ZNF37A: variants seen among roughly 807,000 people sequenced by gnomAD.
ZNF37A encodes the protein zinc finger protein 37a (KOX 21).
Under a neutral mutation model 12.3 loss-of-function variants are expected in ZNF37A, and 10 were observed. The observed-to-expected ratio is 0.82, with a 90% CI of 0.50 to 1.38. The LOEUF (loss-of-function observed/expected upper bound fraction) is 1.38, where lower values mean the gene tolerates loss of function less well. Among genes scored for constraint, ZNF37A ranks in the 40% most tolerant of loss-of-function variants. The probability of loss-of-function intolerance (pLI) is 0.00; values close to 1 mark genes in which losing one functional copy is unlikely to be tolerated. For synonymous variants in ZNF37A, 207 were observed against 223.0 expected, an observed-to-expected ratio of 0.93 and a Z score of 0.64; for missense variants, 580 against 651.2, an observed-to-expected ratio of 0.89 and a Z score of 1.19.
rs2069534949 is a variant in ZNF37A, at chr10:38,119,117, C to CG, written c.*284dup. 1.1e-5 allele frequency: 12 copies of CG among 1,089,440 alleles called. No homozygotes were observed. The highest frequency in any genetic ancestry group is 1.3e-5 in the Non-Finnish European group (12 of 893,848). 67.5% of individuals were successfully genotyped at this position (1,089,440 alleles called of 1,614,324 possible). A position where few individuals can be genotyped will look rare whatever the true frequency, so the allele number is the denominator to read the frequency against. On this transcript the variant is annotated 3_prime_UTR_variant, in exon 8 of 8. Coordinates refer to ENST00000685332, the MANE Select transcript of ZNF37A (RefSeq NM_001324250.3). ...TTCATTAAACATCAGAGAATTCACA[C>CG]GGGGTGAAACCTGGGTCAGCATCCC...
chr10:38,115,599 A>G (rs1427817373), intron 7 of ZNF37A: 2 of 176,414 alleles, frequency 1.1e-5, no homozygotes, highest in African/African-American at 4.7e-5. Context: ...ATGAATATAT[A>G]AAGTGATTTT....
At chr10:38,129,013 A>C (rs1228759232), downstream of ZNF37A, among the ~76,000 whole-genome samples, 4 of 151,976 alleles carry the variant, frequency 2.6e-5, no homozygotes, top group Admixed American at 1.3e-4. Flanking sequence ...CGGCCTCCCA[A>C]AGTGCTGGGG....
rs767902921 is a variant in ZNF37A at position 38,117,436 on chromosome 10, G to T, written c.285G>T (p.Glu95Asp). The change falls in exon 8 of 8, where the codon GAG becomes GAT. Residue 95 changes from glutamate (E) to aspartate (D), a missense_variant. Coordinates refer to ENST00000685332, the MANE Select transcript of ZNF37A (RefSeq NM_001324250.3). The part of the protein sequence containing the change: ...SRNYSIMKFN[E>D]FNKGGKCFCD... ...ACTATTCAATAATGAAGTTCAATGAGTTTAACAAAGGTGGAAAATGTTTCT... is the reference window on the plus strand; with the variant it reads ...ACTATTCAATAATGAAGTTCAATGATTTTAACAAAGGTGGAAAATGTTTCT... The T allele has an allele frequency of 4.4e-6, 7 of 1,599,732 alleles. No homozygotes were observed. The South Asian group carries it at 8.0e-5, about 18-fold the overall frequency.
At chr10:38,149,769 G>T (rs1423250048) in exon 8 of ZNF37A, 5 of 151,944 alleles carry the variant, frequency 3.3e-5, no homozygotes, top group Non-Finnish European at 7.3e-5. Context: ...TAGCGACGGG[G>T]TTTCACCATG....
At chr10:38,134,295 A>G (rs981800937) in intron 7 of ZNF37A, among the ~76,000 whole-genome samples, 4 of 152,162 alleles carry the variant, frequency 2.6e-5, no homozygotes, top group African/African-American at 9.7e-5. Flanking sequence ...CTCTCAACTC[A>G]TCAAAGTCAT....
At chr10:38,112,747 T>TGGTC (rs1564931911) in intron 5 of ZNF37A, among the ~76,000 whole-genome samples, 1 of 66,426 alleles carries the variant, frequency 1.5e-5, no homozygotes, top group African/African-American at 5.4e-5. Flanking sequence ...TTTCTTTTCT[T>TGGTC]TTCTTTTCTT....
intron 7 of ZNF37A, among the ~76,000 whole-genome samples, chr10:38,116,510 G>A (rs1391777702): frequency 6.6e-6 from 1 of 152,150 alleles, no homozygotes; most frequent in Non-Finnish European, 1.5e-5. Context: ...AGCAATTTAT[G>A]AGGGACAAAC....
Position 38,118,298 on chromosome 10 carries a change from T to A in ZNF37A, c.1147T>A (p.Tyr383Asn), listed in dbSNP as rs200644333. 9 of 1,613,962 alleles carry A rather than the reference T, an allele frequency of 5.6e-6. No homozygotes were observed. The East Asian group carries it at 2.0e-4, about 36-fold the overall frequency. ...GAAAACACACACAGGGGAGAAGCCC[T>A]ATGAATGCTATGCATGTGGGAAAGC... ...HQKTHTGEKP[Y>N]ECYACGKAFL... Residue 383 changes from tyrosine to asparagine, a missense_variant, in exon 8 of 8, where the codon TAT becomes AAT. By Grantham distance (143) the Tyr-to-Asn change is moderately radical (BLOSUM62 -2). Transcript: ENST00000685332.
intron 5 of ZNF37A, among the ~76,000 whole-genome samples, chr10:38,111,567 G>C (rs1321555008): frequency 6.6e-6 from 1 of 150,742 alleles, no homozygotes; most frequent in African/African-American, 2.4e-5. Context: ...ATTTTTGTAT[G>C]CATTATTTGA....
At position 38,132,911 on chromosome 10, in the gene ZNF37A, CCCTT is replaced by C. The variant is rs149556439; in HGVS notation, c.239-13818_239-13815del. 8.3e-3 allele frequency among the ~76,000 whole-genome samples: 1,260 copies of C among 151,972 alleles called. 82 individuals carry two copies. The East Asian group carries it at 0.15, about 19-fold the overall frequency. On this transcript the variant is annotated intron_variant, in intron 7 of 7. Coordinates refer to the ZNF37A transcript ENST00000638053. Reference sequence around the variant, plus strand: ...TATTATCATAGAATTGTTTATTTCTCCCTTCCATTCTGTCAATTTTATGTCATAT... The same window carrying C: ...TATTATCATAGAATTGTTTATTTCTCCCATTCTGTCAATTTTATGTCATAT...
Position 38,118,011 on chromosome 10 carries a change from C to G in ZNF37A, c.860C>G (p.Thr287Arg). ...ACCTTCACCCAGAAGTCAGCCCACA[C>G]AAGACATCAGAGAACACACACAGGG... is the stretch of plus-strand genomic sequence containing the variant. Reference protein sequence around the residue: ...GKTFTQKSAHTRHQRTHTGGK... With the variant: ...GKTFTQKSAHRRHQRTHTGGK... Residue 287 changes from threonine (T) to arginine (R), a missense_variant, in exon 8 of 8, where the codon ACA becomes AGA. Physicochemically the swap from Thr to Arg is moderately conservative, Grantham distance 71 (BLOSUM62 -1). Transcript: ENST00000685332. The G allele has an allele frequency of 3.7e-6, 6 of 1,614,022 alleles. No homozygotes were observed. Among genetic ancestry groups the G allele is most frequent in the Middle Eastern group, 1.7e-4 (1 of 6,060 alleles).
intron 5 of ZNF37A, among the ~76,000 whole-genome samples, chr10:38,101,442 CTTGACAACTTTG>C (rs1159803025): frequency 1.3e-5 from 2 of 151,534 alleles, no homozygotes; most frequent in Non-Finnish European, 2.9e-5. Flanking sequence ...ATTGACTGTT[CTTGACAACTTTG>C]TTGAAAATCA....
intron 5 of ZNF37A, among the ~76,000 whole-genome samples, chr10:38,112,797 TG>T (rs2068912369): frequency 3.5e-5 from 2 of 57,532 alleles, no homozygotes; most frequent in Non-Finnish European, 8.0e-5. Context: ...TTTCTTTTCT[TG>T]TCTTGTCTTG....
At chr10:38,145,069 C>G (rs2070233696) in intron 7 of ZNF37A, among the ~76,000 whole-genome samples, 1 of 152,128 alleles carries the variant, frequency 6.6e-6, no homozygotes, top group Non-Finnish European at 1.5e-5. Flanking sequence ...GGCAGAAATG[C>G]AAATCCCTTC....
At chr10:38,145,810 CTG>C (rs1005124971) in intron 7 of ZNF37A, among the ~76,000 whole-genome samples, 17 of 152,298 alleles carry the variant, frequency 1.1e-4, no homozygotes, top group African/African-American at 4.1e-4. Context: ...AGACTAAAGA[CTG>C]TGAGCTGGGC....
At chr10:38,135,191 C>G (rs1428581006) in intron 7 of ZNF37A, among the ~76,000 whole-genome samples, 1 of 152,166 alleles carries the variant, frequency 6.6e-6, no homozygotes, top group Non-Finnish European at 1.5e-5. Context: ...TTGAGACCAT[C>G]TTGGCCAACA....
At chr10:38,125,107 A>G (rs1274116541), downstream of ZNF37A, 2 of 152,240 alleles carry the variant, frequency 1.3e-5, no homozygotes, top group African/African-American at 4.8e-5. Flanking sequence ...GAGTTAGATG[A>G]TGATTTCTAT....
intron 5 of ZNF37A, among the ~76,000 whole-genome samples, chr10:38,112,953 GC>G: frequency 6.6e-6 from 1 of 151,572 alleles, no homozygotes; most frequent in Admixed American, 6.6e-5. Context: ...GATTACAGGT[GC>G]CTGCCACCAT....
intron 4 of ZNF37A, among the ~76,000 whole-genome samples, chr10:38,096,055 G>A (rs1273319800): frequency 1.3e-5 from 2 of 152,028 alleles, no homozygotes; most frequent in South Asian, 2.1e-4. Flanking sequence ...GTGTGGTGGT[G>A]CGCACCTGTA....
Sources: allele counts gnomAD v4.1 joint callset (sites outside exome capture counted in the v4.1 genomes callset), GRCh38; gene constraint gnomAD v4.1.1; transcripts MANE v1.5; gene names NCBI Gene and HGNC (gene_info 2026-07-23, HGNC 2026-07-21).